YPEL2: variants seen among roughly 807,000 people sequenced by gnomAD.
YPEL2 encodes yippee like 2.
Under a neutral mutation model 19.1 loss-of-function variants are expected in YPEL2, and 2 were observed. That is an observed-to-expected ratio of 0.10 (90% confidence interval 0.04 to 0.33). The LOEUF (loss-of-function observed/expected upper bound fraction) is 0.33. Ranked by LOEUF, YPEL2 falls within the 10% of genes least tolerant of loss-of-function variation. YPEL2 has a pLI of 1.00. For missense variants in YPEL2, 66 were observed against 140.7 expected (o/e 0.47, Z 2.68); for synonymous variants, 52 against 50.0 (o/e 1.04, Z -0.17).
At chr17:59,386,087 C>T (rs1298582692) in intron 2 of YPEL2, among the ~76,000 whole-genome samples, 2 of 152,092 alleles carry the variant, frequency 1.3e-5, no homozygotes, top group African/African-American at 4.8e-5. Context: ...CTTTGGAAAG[C>T]TGAGGCAGGC....
At chr17:59,340,807 T>C (rs146477758) in intron 1 of YPEL2, among the ~76,000 whole-genome samples, 6,658 of 150,478 alleles carry the variant, frequency 0.044, 514 homozygotes, top group African/African-American at 0.15. Flanking sequence ...CTCAGCCTCC[T>C]GGGTTTAAGT....
chr17:59,332,878 C>T (rs2047679026), intron 1 of YPEL2, among the ~76,000 whole-genome samples: 1 of 152,180 alleles, frequency 6.6e-6, no homozygotes, highest in Non-Finnish European at 1.5e-5. Flanking sequence ...ACTTGGGAGG[C>T]TCTTGAGTGA....
chr17:59,385,218 A>C (rs1429727760), intron 2 of YPEL2, among the ~76,000 whole-genome samples: 8 of 152,234 alleles, frequency 5.3e-5, no homozygotes, highest in Admixed American at 5.2e-4. Flanking sequence ...AATTGTGCTG[A>C]GTGAAAAAAG....
rs185405909 is a variant in YPEL2, at chr17:59,333,114, C to G, written c.-196+1290C>G. Among the ~76,000 whole-genome samples the G allele has an allele frequency of 6.4e-3, 977 of 152,364 alleles. 10 individuals are homozygous for G. Among genetic ancestry groups the G allele is most frequent in the South Asian group, 0.018 (88 of 4,828 alleles). ...TTATTGCTCCCCCGTGCTTTCCTGC[C>G]TCTGGGGGCCACAGGGCCTATGAAT... is the stretch of plus-strand genomic sequence containing the variant. On this transcript the variant is annotated intron_variant, in intron 1 of 4. Coordinates refer to ENST00000312655, the MANE Select transcript of YPEL2 (RefSeq NM_001005404.4).
Position 59,398,394 on chromosome 17 carries a change from C to T in YPEL2, c.*1204C>T, listed in dbSNP as rs1247315201. ...CCCCAGGCTCTGAGCTTAGTAATAA[C>T]CTGGCTGGTAGATTCCTCATGCCCC... On this transcript the variant is annotated 3_prime_UTR_variant, in exon 5 of 5. Coordinates refer to ENST00000312655, the MANE Select transcript of YPEL2 (RefSeq NM_001005404.4). 6.6e-6 allele frequency: 1 copy of T among 152,180 alleles called. No individual in the cohort carries two copies. The highest frequency in any genetic ancestry group is 1.9e-4 in the East Asian group (1 of 5,190). The allele number at this position is 152,180 out of a possible 1,614,324, so 9.4% of individuals were successfully genotyped here. A position where few individuals can be genotyped will look rare whatever the true frequency, so the allele number is the denominator to read the frequency against.
chr17:59,363,005 A>AG (rs2047849080), intron 2 of YPEL2: 1 of 152,374 alleles, frequency 6.6e-6, no homozygotes, highest in Admixed American at 6.5e-5. Context: ...TTAGGAAACA[A>AG]GGGAATGCAA....
intron 2 of YPEL2, chr17:59,366,066 T>TC (rs1212274556): frequency 2.0e-5 from 3 of 152,876 alleles, no homozygotes; most frequent in African/African-American, 7.3e-5. Context: ...TAGGGTTGGC[T>TC]CCACCAAGAG....
intron 2 of YPEL2, among the ~76,000 whole-genome samples, chr17:59,359,656 AC>A (rs1211164563): frequency 6.6e-6 from 1 of 152,210 alleles, no homozygotes; most frequent in Non-Finnish European, 1.5e-5. Flanking sequence ...TGGATATATG[AC>A]ATAATGATTT....
At chr17:59,349,402 C>G (rs1432975786) in intron 1 of YPEL2, among the ~76,000 whole-genome samples, 1 of 129,360 alleles carries the variant, frequency 7.7e-6, no homozygotes, top group African/African-American at 3.0e-5. Flanking sequence ...CTCGCTCTGT[C>G]GTCCAGGCTG....
intron 2 of YPEL2, among the ~76,000 whole-genome samples, chr17:59,387,421 T>G (rs1044600439): frequency 2.6e-5 from 4 of 151,960 alleles, no homozygotes; most frequent in African/African-American, 9.7e-5. Flanking sequence ...CTCATCTCCT[T>G]GTTTGTTGGT....
intron 1 of YPEL2, among the ~76,000 whole-genome samples, chr17:59,339,465 G>C (rs958246720): frequency 4.6e-5 from 7 of 152,120 alleles, no homozygotes; most frequent in African/African-American, 1.7e-4. Context: ...TCTGGCTCAG[G>C]TTATTCCCAT....
intron 1 of YPEL2, among the ~76,000 whole-genome samples, chr17:59,341,918 A>G (rs1222628053): frequency 6.6e-6 from 1 of 152,208 alleles, no homozygotes; most frequent in Non-Finnish European, 1.5e-5. Flanking sequence ...TGACAGTTTA[A>G]TAATTCCCAG....
chr17:59,347,367 T>C (rs2047761504), intron 1 of YPEL2, among the ~76,000 whole-genome samples: 1 of 152,190 alleles, frequency 6.6e-6, no homozygotes, highest in Non-Finnish European at 1.5e-5. Context: ...CCTCAAGCAG[T>C]CCTTCTGCCT....
rs1001695004 is a variant in YPEL2 at position 59,399,622 on chromosome 17, A to G, written c.*2432A>G. ...AGCTGAGTAGAGTGTTGGTTTTTCC[A>G]TAACTACAGGGGGAAAAAAAGTCAT... On this transcript the variant is annotated 3_prime_UTR_variant, in exon 5 of 5. Coordinates refer to ENST00000312655, the MANE Select transcript of YPEL2 (RefSeq NM_001005404.4). 6.6e-6 allele frequency: 1 copy of G among 152,220 alleles called. No individual in the cohort carries two copies. The highest frequency in any genetic ancestry group is 2.4e-5 in the African/African-American group (1 of 41,366). The allele number at this position is 152,220 out of a possible 1,614,324, so 9.4% of individuals were successfully genotyped here.
intron 4 of YPEL2, among the ~76,000 whole-genome samples, chr17:59,392,380 A>T (rs989220220): frequency 1.3e-5 from 2 of 152,190 alleles, no homozygotes; most frequent in Admixed American, 1.3e-4. Flanking sequence ...ATGCCAGCTG[A>T]GGAGGAAAAC....
Position 59,397,121 on chromosome 17 carries a change from C to T in YPEL2, c.291C>T (p.Ser97=). 1.9e-6 allele frequency: 3 copies of T among 1,611,798 alleles called. No individual in the cohort carries two copies. The highest frequency in any genetic ancestry group is 1.3e-5 in the African/African-American group (1 of 74,868). Residue 97 remains serine (S), a synonymous_variant, in exon 5 of 5, where the codon AGC becomes AGT. Transcript: ENST00000312655. ...GWKYEHAFES[S]QKYKEGKYII... is the part of the protein sequence containing the mutation. ...CCTAGGAACATGCTTTTGAAAGCAG[C>T]CAGAAATATAAAGAAGGCAAATACA...
Position 59,372,054 on chromosome 17 carries a change from G to A in YPEL2, c.118-16273G>A, listed in dbSNP as rs184484875. On this transcript the variant is annotated intron_variant, in intron 2 of 4. Transcript: ENST00000312655. ...ACTTGATATCCCAGACAGTCCCCAA[G>A]GAGAGGTCCCCCATCATGGCTTCCA... 2.6e-4 allele frequency among the ~76,000 whole-genome samples: 39 copies of A among 152,298 alleles called. No individual in the cohort carries two copies. The East Asian group carries it at 7.3e-3, about 29-fold the overall frequency.
At chr17:59,382,574 C>G (rs2047955100) in intron 2 of YPEL2, among the ~76,000 whole-genome samples, 1 of 152,064 alleles carries the variant, frequency 6.6e-6, no homozygotes, top group Non-Finnish European at 1.5e-5. Context: ...ATGTGTGCTG[C>G]CATGTAATAT....
At chr17:59,334,670 G>A (rs1238667390) in intron 1 of YPEL2, among the ~76,000 whole-genome samples, 1 of 151,908 alleles carries the variant, frequency 6.6e-6, no homozygotes, top group Non-Finnish European at 1.5e-5. Flanking sequence ...ATATTGGTAG[G>A]ATACATTTAT....
Sources: gnomAD v4.1 joint callset for allele counts (sites outside exome capture counted in the v4.1 genomes callset) on GRCh38, gnomAD v4.1.1 for gene constraint, MANE v1.5 for transcripts, NCBI Gene and HGNC (gene_info 2026-07-23, HGNC 2026-07-21) for gene names.